The following PI4KA variants were observed in gnomAD, a reference collection of about 807,000 sequenced individuals.
The protein encoded by PI4KA is PI4-kinase alpha.
PI4KA carries 122 observed loss-of-function variants against 271.4 expected under a neutral mutation model. The observed-to-expected ratio is 0.45, with a 90% confidence interval of 0.39 to 0.52. The LOEUF (loss-of-function observed/expected upper bound fraction) is 0.52. Among genes scored for constraint, PI4KA ranks in the 20% least tolerant of loss-of-function variants. The probability of loss-of-function intolerance (pLI) is 0.00; values close to 1 mark genes in which losing one functional copy is unlikely to be tolerated. For missense variants in PI4KA, 1,969 were observed against 2,769.1 expected (o/e 0.71, Z 6.48); for synonymous variants, 1,041 against 1,078.8 (o/e 0.96, Z 0.69).
At chr22:20,851,336 T>TTTG (rs372350522) in intron 1 of PI4KA, among the ~76,000 whole-genome samples, 2,759 of 152,138 alleles carry the variant, frequency 0.018, 40 homozygotes, top group Non-Finnish European at 0.029. Context: ...TTGGGTTTTT[T>TTTG]TTGTTGTTGT....
Position 20,838,693 on chromosome 22 carries a change from A to G in PI4KA, c.195T>C (p.His65=). ...GTCTTTCATCTAACTGGAAGATCCC[A>G]TGGAAATCCACTGGACACATGCAAA... ...KLLCMCPVDF[H]GIFQLDERRR... The change falls in exon 2 of 55, where the codon CAT becomes CAC. Residue 65 remains histidine, a synonymous_variant. Transcript: ENST00000255882. 1 of 1,613,512 alleles carries G rather than the reference A, an allele frequency of 6.2e-7. No individual in the cohort carries two copies. The highest frequency in any genetic ancestry group is 8.5e-7 in the Non-Finnish European group (1 of 1,179,418).
chr22:20,765,830 G>A (rs1385808222), intron 19 of PI4KA, 137 bp from the exon 20 acceptor site: 1 of 619,592 alleles, frequency 1.6e-6, no homozygotes, highest in Non-Finnish European at 3.0e-6. Flanking sequence ...AAGGCACACT[G>A]AGCAGTGATG....
chr22:20,754,188 AG>A (rs1931022829), intron 23 of PI4KA, among the ~76,000 whole-genome samples: 1 of 152,142 alleles, frequency 6.6e-6, no homozygotes, highest in Non-Finnish European at 1.5e-5. Context: ...CCCAGGCTCA[AG>A]GGATCCTCCC....
At chr22:20,770,417 G>A (rs1468973248) in intron 19 of PI4KA, among the ~76,000 whole-genome samples, 1 of 150,562 alleles carries the variant, frequency 6.6e-6, no homozygotes. Flanking sequence ...GGAGGCTGAG[G>A]CAGGAGAATC....
intron 16 of PI4KA, 175 bp from the exon 17 acceptor site, chr22:20,798,862 A>C (rs894921887): frequency 3.2e-6 from 2 of 628,292 alleles, no homozygotes; most frequent in African/African-American, 3.7e-5. Flanking sequence ...GCTAAAAGGG[A>C]CATGGCTTAG....
chr22:20,806,702 G>A (rs1027988233), intron 10 of PI4KA, among the ~76,000 whole-genome samples: 1 of 151,920 alleles, frequency 6.6e-6, no homozygotes, highest in African/African-American at 2.4e-5. Flanking sequence ...TACATTAACA[G>A]ATTACATGTA....
At position 20,807,446 on chromosome 22, in the gene PI4KA, C is replaced by T. The variant is rs756116305; in HGVS notation, c.1084G>A (p.Ala362Thr). Residue 362 changes from alanine to threonine, a missense_variant, in exon 10 of 55, where the codon GCT becomes ACT. Ala to Thr is a moderately conservative substitution (Grantham distance 58). This residue lies in a region of PI4KA where 540 missense variants were observed against 555.5 expected (regional missense o/e 0.97). Coordinates refer to ENST00000255882, the MANE Select transcript of PI4KA (RefSeq NM_058004.4). ...CTGAAGGAAGTGTAGTAGAGATCAG[C>T]ACTGGGGTTGGCCTGCAGGGAAGGC... ...VASVMEANPS[A>T]DLYYTSFSDP... The T allele has an allele frequency of 1.4e-5, 22 of 1,611,334 alleles. No homozygotes were observed. The South Asian group carries it at 2.4e-4, about 18-fold the overall frequency.
At chr22:20,719,886 C>T (rs945474175) in intron 43 of PI4KA, among the ~76,000 whole-genome samples, 16 of 151,850 alleles carry the variant, frequency 1.1e-4, no homozygotes, top group Non-Finnish European at 1.6e-4. Context: ...AATTAGCAGG[C>T]GTGGTGGCAG....
At chr22:20,840,105 C>T (rs952478052) in intron 1 of PI4KA, among the ~76,000 whole-genome samples, 2 of 152,196 alleles carry the variant, frequency 1.3e-5, no homozygotes, top group African/African-American at 4.8e-5. Context: ...CCACTACAAA[C>T]CTGGCAGATG....
In PI4KA at chr22:20,805,172, G is replaced by T. The variant is rs1320515947; in HGVS notation, c.1169-7C>A. The T allele has an allele frequency of 6.2e-7, 1 of 1,608,632 alleles. No homozygotes were observed. The highest frequency in any genetic ancestry group is 1.3e-5 in the African/African-American group (1 of 74,824). On this transcript the variant is annotated splice_region_variant and splice_polypyrimidine_tract_variant and intron_variant, in intron 10 of 54. Transcript: ENST00000255882. ...ACAAAAGAGGTCGGGAGGTCTGTAGGAAAGAGTGTGGCATCACAGCTGGGA... is the reference window on the plus strand; with the variant it reads ...ACAAAAGAGGTCGGGAGGTCTGTAGTAAAGAGTGTGGCATCACAGCTGGGA...
chr22:20,719,903 G>A (rs149570718), intron 43 of PI4KA, among the ~76,000 whole-genome samples: 8 of 152,050 alleles, frequency 5.3e-5, no homozygotes, highest in African/African-American at 1.7e-4. Flanking sequence ...GCAGGCGCCT[G>A]TAGTCCCAGC....
Position 20,744,709 on chromosome 22 carries a change from CAGCTG to C in PI4KA, c.3370_3374del (p.Gln1124GlufsTer43). On this transcript the variant is annotated frameshift_variant, in exon 30 of 55. Transcript: ENST00000255882. LOFTEE classifies it high-confidence loss of function. ...TCTTCACACAGGCCGGGCGCTCGCT[CAGCTG>C]AGTTGCCTACAGACAGATAACCATT... 6.2e-7 allele frequency: 1 copy of C among 1,613,956 alleles called. No homozygotes were observed. Among genetic ancestry groups the C allele is most frequent in the East Asian group, 2.2e-5 (1 of 44,888 alleles).
At chr22:20,726,647 A>C (rs1021819687) in intron 41 of PI4KA, 106 bp from the exon 42 acceptor site, 2 of 997,714 alleles carry the variant, frequency 2.0e-6, no homozygotes, top group Non-Finnish European at 2.9e-6. Flanking sequence ...CAGGGCTGAG[A>C]ACTGGGGAAA....
chr22:20,826,789 T>C (rs1340299749), intron 3 of PI4KA, among the ~76,000 whole-genome samples: 1 of 152,246 alleles, frequency 6.6e-6, no homozygotes, highest in Non-Finnish European at 1.5e-5. Context: ...GATTTGCATT[T>C]CTCTGATTAT....
At chr22:20,779,467 T>C (rs368309170) in intron 19 of PI4KA, 10 of 1,614,050 alleles carry the variant, frequency 6.2e-6, no homozygotes, top group Admixed American at 3.3e-5. Flanking sequence ...AACCTGAGCA[T>C]GCCTCTTCTC....
Position 20,729,957 on chromosome 22 carries a change from G to A in PI4KA, c.4343C>T (p.Ala1448Val). Residue 1448 changes from alanine to valine, a missense_variant, in exon 37 of 55, where the codon GCC becomes GTC. Around this residue, in one of 13 missense-constraint regions of PI4KA, gnomAD observed 23 missense variants for 23.2 expected, o/e 0.99. Coordinates refer to ENST00000255882, the MANE Select transcript of PI4KA (RefSeq NM_058004.4). ...GTATGTGTTGATCCAGCCTTGGGTG[G>A]CTTGTTGCCGAGAGCCGACAGTTAT... ...LDITVGSRQQ[A>V]TQGWINTYPL... The A allele has an allele frequency of 1.2e-6, 2 of 1,614,156 alleles. No individual in the cohort carries two copies. The highest frequency in any genetic ancestry group is 1.7e-6 in the Non-Finnish European group (2 of 1,180,008).
At chr22:20,765,514 C>A in intron 20 of PI4KA, 71 bp downstream of exon 20, 1 of 1,002,960 alleles carries the variant, frequency 1.0e-6, no homozygotes, top group Admixed American at 1.9e-5. Context: ...TTCATAATTA[C>A]GTGGGCTCTG....
At chr22:20,857,723 G>C (rs1315416371) in intron 1 of PI4KA, among the ~76,000 whole-genome samples, 1 of 152,132 alleles carries the variant, frequency 6.6e-6, no homozygotes, top group Non-Finnish European at 1.5e-5. Flanking sequence ...TACAGATAAG[G>C]ATACAGAGGC....
At chr22:20,809,342 A>G in intron 9 of PI4KA, among the ~76,000 whole-genome samples, 1 of 152,188 alleles carries the variant, frequency 6.6e-6, no homozygotes, top group East Asian at 1.9e-4. Flanking sequence ...TCTGGCACAT[A>G]ATAAGCATGT....
Sources: allele counts gnomAD v4.1 joint callset (sites outside exome capture counted in the v4.1 genomes callset), GRCh38; gene constraint gnomAD v4.1.1; regional missense constraint gnomAD v4.1.1; transcripts MANE v1.5; gene names NCBI Gene and HGNC (gene_info 2026-07-23, HGNC 2026-07-21).